The following DEFB118 variants were observed in gnomAD, a reference collection of about 807,000 sequenced individuals.
The protein encoded by DEFB118 is defensin beta 118, also known as defensin, beta 18.
DEFB118 carries 3 observed loss-of-function variants against 2.8 expected under a neutral mutation model. The ratio of observed to expected loss-of-function variants is 1.09; its 90% CI spans 0.50 to 2.82. DEFB118 has a LOEUF of 2.82. DEFB118 is among the 30% of genes most tolerant of loss of function. The pLI, the probability that DEFB118 is intolerant of heterozygous loss-of-function variation, is 0.04. For missense variants in DEFB118, 159 were observed against 144.6 expected (o/e 1.10, Z -0.51); for synonymous variants, 63 against 53.5 (o/e 1.18, Z -0.78).
Position 31,373,141 on chromosome 20 carries a change from T to A in DEFB118, c.343T>A (p.Ser115Thr). 6.2e-7 allele frequency: 1 copy of A among 1,613,798 alleles called. No individual in the cohort carries two copies. Among genetic ancestry groups the A allele is most frequent in the Non-Finnish European group, 8.5e-7 (1 of 1,179,938 alleles). The part of the protein sequence containing the change: ...ESEAGRGTET[S>T]LPNVHHSS Reference sequence around the variant, plus strand: ...TGAGGCGGGAAGGGGAACTGAGACCTCTCTTCCAAATGTTCACCATAGCTC... The same window carrying A: ...TGAGGCGGGAAGGGGAACTGAGACCACTCTTCCAAATGTTCACCATAGCTC... The change falls in exon 2 of 2, where the codon TCT becomes ACT. Residue 115 changes from serine (S) to threonine (T), a missense_variant. By Grantham distance (58) the Ser-to-Thr change is moderately conservative. Coordinates refer to ENST00000253381, the MANE Select transcript of DEFB118 (RefSeq NM_054112.3).
intron 1 of DEFB118, among the ~76,000 whole-genome samples, chr20:31,369,630 T>G (rs1010192727): frequency 1.3e-5 from 2 of 152,088 alleles, no homozygotes; most frequent in African/African-American, 4.8e-5. Flanking sequence ...CCTCGGGTGA[T>G]CCATCCGCCT....
Position 31,368,682 on chromosome 20 carries a change from T to C in DEFB118, c.32T>C (p.Leu11Pro). 6.2e-7 allele frequency: 1 copy of C among 1,613,802 alleles called. No homozygotes were observed. Among genetic ancestry groups the C allele is most frequent in the South Asian group, 1.1e-5 (1 of 91,074 alleles). MKLLLLALPM[L>P]VLLPQVIPAY... ...CTCCTGCTGCTGGCTCTTCCTATGC[T>C]TGTGCTCCTACCCCAAGTGATCCCA... Residue 11 changes from leucine (L) to proline (P), a missense_variant, in exon 1 of 2, where the codon CTT (leucine) becomes CCT (proline). Physicochemically the swap from Leu to Pro is moderately conservative, Grantham distance 98. Transcript: ENST00000253381.
At chr20:31,372,096 A>G (rs1158734414) in intron 1 of DEFB118, among the ~76,000 whole-genome samples, 1 of 152,216 alleles carries the variant, frequency 6.6e-6, no homozygotes, top group Non-Finnish European at 1.5e-5. Flanking sequence ...ATCAGTTGAT[A>G]GGCACTTAGG....
intron 1 of DEFB118, among the ~76,000 whole-genome samples, chr20:31,370,319 A>C (rs887836775): frequency 6.6e-6 from 1 of 152,244 alleles, no homozygotes; most frequent in African/African-American, 2.4e-5. Context: ...ACAAACAGGA[A>C]TAATTCTGTG....
chr20:31,371,014 T>C (rs1986201976), intron 1 of DEFB118, among the ~76,000 whole-genome samples: 1 of 152,152 alleles, frequency 6.6e-6, no homozygotes, highest in Non-Finnish European at 1.5e-5. Context: ...GCCTCCCTCG[T>C]GCTGTTGTTT....
At chr20:31,369,685 C>T (rs983756045) in intron 1 of DEFB118, among the ~76,000 whole-genome samples, 1 of 152,130 alleles carries the variant, frequency 6.6e-6, no homozygotes, top group Non-Finnish European at 1.5e-5. Context: ...CCACCGCACC[C>T]GGCCCTATGC....
chr20:31,373,438 C>T lies in DEFB118; in HGVS notation c.*268C>T. On this transcript the variant is annotated 3_prime_UTR_variant, in exon 2 of 2. Transcript: ENST00000253381. ...TTTGCTAGTGACCTATGCACAACTT[C>T]AATAGCTTAGTTAGCTATTCCAACA... 2.3e-6 allele frequency: 1 copy of T among 441,924 alleles called. No individual in the cohort carries two copies. The highest frequency in any genetic ancestry group is 4.0e-6 in the Non-Finnish European group (1 of 248,464). 27.4% of individuals were successfully genotyped at this position (441,924 alleles called of 1,614,324 possible). A position where few individuals can be genotyped will look rare whatever the true frequency, so the allele number is the denominator to read the frequency against.
In DEFB118 at chr20:31,373,050, T is replaced by C; in HGVS notation, c.252T>C (p.Ile84=). The C allele has an allele frequency of 6.2e-7, 1 of 1,614,172 alleles. No individual in the cohort carries two copies. The highest frequency in any genetic ancestry group is 8.5e-7 in the Non-Finnish European group (1 of 1,180,020). The change falls in exon 2 of 2, where the codon ATT becomes ATC. Residue 84 remains isoleucine (I), a synonymous_variant. Transcript: ENST00000253381. ...SDSTPGIIDD[I]LTVRFTTDYF... The stretch of plus-strand genomic sequence containing the variant: ...CAACACCAGGAATTATTGATGATAT[T>C]TTAACAGTAAGGTTCACGACAGACT...
intron 1 of DEFB118, 60 bp downstream of exon 1, chr20:31,368,768 A>G (rs2030074537): frequency 4.0e-6 from 6 of 1,516,574 alleles, no homozygotes; most frequent in Non-Finnish European, 5.5e-6. Flanking sequence ...GCTCATGAAA[A>G]TTCCAATGTG....
rs756982789 is a variant in DEFB118 at position 31,373,194 on chromosome 20, C to T, written c.*24C>T. 3.1e-6 allele frequency: 5 copies of T among 1,601,430 alleles called. No homozygotes were observed. In the East Asian group the frequency reaches 1.1e-4, roughly 36 times the overall value. On this transcript the variant is annotated 3_prime_UTR_variant, in exon 2 of 2. Coordinates refer to ENST00000253381, the MANE Select transcript of DEFB118 (RefSeq NM_054112.3). ...GACTTCCTCTCGGCTATCACTCACC[C>T]CTGTCCTCAGAGTGATAAACTAAGT...
intron 1 of DEFB118, among the ~76,000 whole-genome samples, 182 bp downstream of exon 1, chr20:31,368,890 C>T (rs1482927737): frequency 1.3e-5 from 2 of 152,182 alleles, no homozygotes; most frequent in Non-Finnish European, 2.9e-5. Context: ...CAGGGGCAGT[C>T]CCACCATCCA....
rs960776067 is a variant in DEFB118 at position 31,373,326 on chromosome 20, T to C, written c.*156T>C. ...GTGTAAAGAAGTCTAAAATTTTCACTATTTCCAATGATAAACTCTTCAGTG... is the reference window on the plus strand; with the variant it reads ...GTGTAAAGAAGTCTAAAATTTTCACCATTTCCAATGATAAACTCTTCAGTG... On this transcript the variant is annotated 3_prime_UTR_variant, in exon 2 of 2. Transcript: ENST00000253381. 3.1e-6 allele frequency: 2 copies of C among 636,874 alleles called. No homozygotes were observed. Among genetic ancestry groups the C allele is most frequent in the Admixed American group, 3.0e-5 (1 of 33,300 alleles). The allele number at this position is 636,874 out of a possible 1,614,324, so 39.5% of individuals were successfully genotyped here. A position where few individuals can be genotyped will look rare whatever the true frequency, so the allele number is the denominator to read the frequency against.
At chr20:31,369,094 T>A (rs1245998108) in intron 1 of DEFB118, among the ~76,000 whole-genome samples, 1 of 152,208 alleles carries the variant, frequency 6.6e-6, no homozygotes, top group Non-Finnish European at 1.5e-5. Flanking sequence ...TATTCTAGAA[T>A]TTGGTGAACA....
In DEFB118 at chr20:31,373,481, C is replaced by T. The variant is rs1025921359; in HGVS notation, c.*311C>T. The T allele has an allele frequency of 2.2e-5, 7 of 325,256 alleles. No homozygotes were observed. Among genetic ancestry groups the T allele is most frequent in the Non-Finnish European group, 3.4e-5 (6 of 176,556 alleles). The allele number at this position is 325,256 out of a possible 1,614,324, so 20.1% of individuals were successfully genotyped here. ...TTCCAACAACAATTTCTTCATGTATCGTTCTGTCTTCTCAACAGCTGTCTT... is the reference window on the plus strand; with the variant it reads ...TTCCAACAACAATTTCTTCATGTATTGTTCTGTCTTCTCAACAGCTGTCTT... On this transcript the variant is annotated 3_prime_UTR_variant, in exon 2 of 2. Coordinates refer to ENST00000253381, the MANE Select transcript of DEFB118 (RefSeq NM_054112.3).
At chr20:31,370,599 G>A (rs1021541419) in intron 1 of DEFB118, among the ~76,000 whole-genome samples, 3 of 152,074 alleles carry the variant, frequency 2.0e-5, no homozygotes, top group Admixed American at 6.6e-5. Context: ...CTACATTTGG[G>A]GAAGAAGAAT....
At chr20:31,369,717 A>G (rs1986181259) in intron 1 of DEFB118, among the ~76,000 whole-genome samples, 1 of 151,856 alleles carries the variant, frequency 6.6e-6, no homozygotes, top group Non-Finnish European at 1.5e-5. Flanking sequence ...TTCACTTATT[A>G]TTTTGTGGCC....
intron 1 of DEFB118, among the ~76,000 whole-genome samples, chr20:31,369,900 T>A (rs1403311505): frequency 6.6e-6 from 1 of 152,152 alleles, no homozygotes; most frequent in Non-Finnish European, 1.5e-5. Flanking sequence ...CATATATGGA[T>A]ATGGGCTTAA....
Position 31,373,267 on chromosome 20 carries a change from C to T in DEFB118, c.*97C>T. ...AACACCACAGTGACCCTCCCACCCCCCACCAATATGTAATTCTATTAATAG... is the reference window on the plus strand; with the variant it reads ...AACACCACAGTGACCCTCCCACCCCTCACCAATATGTAATTCTATTAATAG... On this transcript the variant is annotated 3_prime_UTR_variant, in exon 2 of 2. Coordinates refer to ENST00000253381, the MANE Select transcript of DEFB118 (RefSeq NM_054112.3). The T allele has an allele frequency of 1.9e-6, 2 of 1,062,760 alleles. No homozygotes were observed. Among genetic ancestry groups the T allele is most frequent in the Non-Finnish European group, 2.7e-6 (2 of 743,744 alleles). 65.8% of individuals were successfully genotyped at this position (1,062,760 alleles called of 1,614,324 possible).
chr20:31,373,026 AAC>A lies in DEFB118; in HGVS notation c.231_232del (p.Pro78ArgfsTer4). The A allele has an allele frequency of 6.2e-7, 1 of 1,614,178 alleles. No homozygotes were observed. Among genetic ancestry groups the A allele is most frequent in the Non-Finnish European group, 8.5e-7 (1 of 1,180,038 alleles). On this transcript the variant is annotated frameshift_variant, in exon 2 of 2. Transcript: ENST00000253381. LOFTEE classifies it low-confidence loss of function (END_TRUNC). ...CATCTCCCACACCCTTGAGTGACTC[AAC>A]ACCAGGAATTATTGATGATATTTTA... is the stretch of plus-strand genomic sequence containing the variant. ...ATSPTPLSDS[T>X]PGIIDDILTV...
Sources: gnomAD v4.1 joint callset for allele counts (sites outside exome capture counted in the v4.1 genomes callset) on GRCh38, gnomAD v4.1.1 for gene constraint, MANE v1.5 for transcripts, NCBI Gene and HGNC (gene_info 2026-07-23, HGNC 2026-07-21) for gene names.